The following ATP10B variants were observed in gnomAD, a reference collection of about 807,000 sequenced individuals.
ATP10B encodes the protein ATPase phospholipid transporting 10B (putative).
In ATP10B, 122 loss-of-function variants were observed where a neutral mutation model predicts 141.2. The observed-to-expected ratio is 0.86, with a 90% CI of 0.75 to 1.00. The LOEUF (loss-of-function observed/expected upper bound fraction) is 1.00, where lower values mean the gene tolerates loss of function less well. ATP10B is among the 50% of genes least tolerant of loss of function. ATP10B has a pLI of 0.00. For missense variants in ATP10B, 1,876 were observed against 1,825.3 expected, an observed-to-expected ratio of 1.03 and a Z score of -0.51; for synonymous variants, 685 against 692.0, an observed-to-expected ratio of 0.99 and a Z score of 0.16.
chr5:160,888,406 T>A, the ATP10B span, among the ~76,000 whole-genome samples: 2 of 152,238 alleles, frequency 1.3e-5, no homozygotes, highest in Admixed American at 6.5e-5. Flanking sequence ...TTGCTTCTCA[T>A]AAACTTTATT....
the ATP10B span, among the ~76,000 whole-genome samples, chr5:160,863,874 C>CT: frequency 6.6e-6 from 1 of 151,878 alleles, no homozygotes; most frequent in Non-Finnish European, 1.5e-5. Flanking sequence ...TGGAAATATG[C>CT]AACCCTCCTA....
At chr5:160,634,183 G>C (rs1292690272) in intron 12 of ATP10B, 171 bp downstream of exon 12, 19 of 911,758 alleles carry the variant, frequency 2.1e-5, no homozygotes, top group Non-Finnish European at 3.3e-5. Context: ...CAAGTAATTG[G>C]AACAGCCCTG....
At chr5:160,689,966 G>C (rs888216730) in intron 3 of ATP10B, among the ~76,000 whole-genome samples, 2 of 151,906 alleles carry the variant, frequency 1.3e-5, no homozygotes, top group Non-Finnish European at 1.5e-5. Flanking sequence ...ATACTACAAG[G>C]CTACAGTAAC....
intron 2 of ATP10B, among the ~76,000 whole-genome samples, chr5:160,725,568 C>T (rs185730146): frequency 1.3e-5 from 2 of 152,080 alleles, no homozygotes; most frequent in African/African-American, 4.8e-5. Flanking sequence ...GCCTCAGCCT[C>T]GCAAGTAGCT....
intron 2 of ATP10B, among the ~76,000 whole-genome samples, chr5:160,767,056 A>T (rs1769500184): frequency 6.6e-6 from 1 of 152,210 alleles, no homozygotes; most frequent in Non-Finnish European, 1.5e-5. Flanking sequence ...CAATGGAAAA[A>T]AAAAAGGAAT....
chr5:160,675,518 C>G (rs778393780), intron 6 of ATP10B, among the ~76,000 whole-genome samples: 5 of 152,132 alleles, frequency 3.3e-5, no homozygotes, highest in Non-Finnish European at 5.9e-5. Flanking sequence ...TCTCAAGCAT[C>G]TGGATTTTAT....
At chr5:160,772,101 C>T (rs540426641) in intron 2 of ATP10B, among the ~76,000 whole-genome samples, 3 of 152,330 alleles carry the variant, frequency 2.0e-5, no homozygotes, top group South Asian at 4.1e-4. Flanking sequence ...AGAGATTTCT[C>T]TTAGATATAC....
At chr5:160,863,573 A>G in the ATP10B span, among the ~76,000 whole-genome samples, 1 of 151,994 alleles carries the variant, frequency 6.6e-6, no homozygotes, top group Non-Finnish European at 1.5e-5. Flanking sequence ...AGAACAAACC[A>G]AATCCAAACT....
chr5:160,841,696 C>A (rs532356421), intron 1 of ATP10B, among the ~76,000 whole-genome samples: 1 of 152,098 alleles, frequency 6.6e-6, no homozygotes, highest in East Asian at 1.9e-4. Context: ...ACTGTATACT[C>A]CTAGTTTTAC....
At chr5:160,786,590 A>T (rs892829659) in intron 1 of ATP10B, among the ~76,000 whole-genome samples, 5 of 152,158 alleles carry the variant, frequency 3.3e-5, no homozygotes, top group African/African-American at 1.2e-4. Context: ...AACTTCTTTC[A>T]GTAATTCATT....
chr5:160,769,003 G>A (rs995468612), intron 2 of ATP10B, among the ~76,000 whole-genome samples: 8 of 152,150 alleles, frequency 5.3e-5, no homozygotes, highest in Non-Finnish European at 1.0e-4. Context: ...CCATGTCATG[G>A]AAACACAAGT....
intron 3 of ATP10B, among the ~76,000 whole-genome samples, chr5:160,693,324 C>T (rs547629300): frequency 7.0e-4 from 106 of 150,448 alleles, no homozygotes; most frequent in African/African-American, 2.4e-3. Flanking sequence ...TGTGGTTATA[C>T]ATAAAAACAC....
chr5:160,639,801 T>C (rs1463524228), intron 10 of ATP10B, among the ~76,000 whole-genome samples: 2 of 152,212 alleles, frequency 1.3e-5, no homozygotes, highest in African/African-American at 4.8e-5. Flanking sequence ...TATTACATTG[T>C]AATATATAAT....
chr5:160,789,176 G>C (rs913270992), intron 1 of ATP10B, among the ~76,000 whole-genome samples: 1 of 152,140 alleles, frequency 6.6e-6, no homozygotes, highest in African/African-American at 2.4e-5. Context: ...AGGCATGTAG[G>C]CTGGGAATTC....
chr5:160,836,691 A>G (rs1473849217), intron 1 of ATP10B, among the ~76,000 whole-genome samples: 1 of 152,138 alleles, frequency 6.6e-6, no homozygotes, highest in Admixed American at 6.6e-5. Flanking sequence ...CAGCAAGTTC[A>G]GGGTTTCATA....
chr5:160,730,185 T>C (rs1581428216), intron 2 of ATP10B, among the ~76,000 whole-genome samples: 1 of 152,140 alleles, frequency 6.6e-6, no homozygotes, highest in East Asian at 1.9e-4. Context: ...TTACCTATTC[T>C]TGTTCTACAG....
chr5:160,863,463 C>A, the ATP10B span, among the ~76,000 whole-genome samples: 1 of 151,796 alleles, frequency 6.6e-6, no homozygotes, highest in Non-Finnish European at 1.5e-5. Context: ...GCAAAAGCTG[C>A]GTTAAGAGGA....
chr5:160,596,849 C>A (rs1561638899), intron 22 of ATP10B, among the ~76,000 whole-genome samples: 1 of 152,082 alleles, frequency 6.6e-6, no homozygotes, highest in Non-Finnish European at 1.5e-5. Flanking sequence ...ACGTGAAGGA[C>A]CTCTTCAAAG....
chr5:160,863,956 C>T, the ATP10B span, among the ~76,000 whole-genome samples: 4 of 151,776 alleles, frequency 2.6e-5, no homozygotes, highest in Non-Finnish European at 4.4e-5. Context: ...AATAATAAAA[C>T]GTATTGCCAA....
Sources: allele counts gnomAD v4.1 joint callset (sites outside exome capture counted in the v4.1 genomes callset), GRCh38; gene constraint gnomAD v4.1.1; transcripts MANE v1.5; gene names NCBI Gene and HGNC (gene_info 2026-07-23, HGNC 2026-07-21).